SPOCK2: variants seen among roughly 807,000 people sequenced by gnomAD.
SPOCK2 encodes the protein testican-2.
SPOCK2 carries 39 observed loss-of-function variants against 60.1 expected under a neutral mutation model. That is an observed-to-expected ratio of 0.65 (90% confidence interval 0.50 to 0.85). The LOEUF is 0.85. Ranked by LOEUF, SPOCK2 falls within the 40% of genes least tolerant of loss-of-function variation. SPOCK2 has a pLI of 0.00. For missense variants in SPOCK2, 523 were observed against 567.4 expected (o/e 0.92, Z 0.80); for synonymous variants, 217 against 231.5 (o/e 0.94, Z 0.57).
intron 1 of SPOCK2, among the ~76,000 whole-genome samples, chr10:72,075,039 C>A (rs974339533): frequency 6.6e-6 from 1 of 152,072 alleles, no homozygotes; most frequent in Non-Finnish European, 1.5e-5. Flanking sequence ...CGCTCCTGAG[C>A]CCCCAGGCAA....
intron 1 of SPOCK2, among the ~76,000 whole-genome samples, chr10:72,073,831 G>A (rs1245570): frequency 0.56 from 85,516 of 152,148 alleles, 24,987 homozygotes; most frequent in African/African-American, 0.73. Context: ...AACTTATCTG[G>A]CTTCCTCCCT....
chr10:72,065,093 C>T (rs538729225), intron 8 of SPOCK2, among the ~76,000 whole-genome samples: 3 of 113,200 alleles, frequency 2.7e-5, no homozygotes, highest in East Asian at 4.7e-4. Context: ...TGGAGTGCAA[C>T]GGCACGATCT....
chr10:72,072,604 G>A, intron 2 of SPOCK2, 56 bp from the exon 3 acceptor site: 2 of 1,611,046 alleles, frequency 1.2e-6, no homozygotes, highest in South Asian at 2.2e-5. Context: ...ATATCCCAGA[G>A]GTTCAACTGC....
Position 72,068,204 on chromosome 10 carries a change from G to C in SPOCK2, c.572C>G (p.Thr191Ser), listed in dbSNP as rs758130851. 2 of 1,607,436 alleles carry C rather than the reference G, an allele frequency of 1.2e-6. No individual in the cohort carries two copies. Among genetic ancestry groups the C allele is most frequent in the Admixed American group, 1.7e-5 (1 of 59,698 alleles). Residue 191 changes from threonine to serine, a missense_variant, in exon 6 of 11, where the codon ACC becomes AGC. Coordinates refer to ENST00000373109, the MANE Select transcript of SPOCK2 (RefSeq NM_001244950.2). Reference sequence around the variant, plus strand: ...GTCCTCACCTGGTTTGCCATCGGCGGTGGAGGTGGCAGCCTGCTCCGTGGG... The same window carrying C: ...GTCCTCACCTGGTTTGCCATCGGCGCTGGAGGTGGCAGCCTGCTCCGTGGG... ...PCPTEQAATS[T>S]ADGKPETCTG...
intron 1 of SPOCK2, among the ~76,000 whole-genome samples, chr10:72,080,540 T>C (rs550448563): frequency 6.6e-6 from 1 of 151,328 alleles, no homozygotes; most frequent in Non-Finnish European, 1.5e-5. Flanking sequence ...CCTCCTCCGC[T>C]GAGGATTAAC....
chr10:72,081,025 T>A (rs1205760510), intron 1 of SPOCK2, among the ~76,000 whole-genome samples: 2 of 151,726 alleles, frequency 1.3e-5, no homozygotes, highest in Non-Finnish European at 2.9e-5. Flanking sequence ...GACCCTGGCT[T>A]CCCTCCTGGA....
intron 8 of SPOCK2, among the ~76,000 whole-genome samples, chr10:72,065,118 C>T (rs1840551082): frequency 7.9e-6 from 1 of 126,742 alleles, no homozygotes; most frequent in African/African-American, 2.6e-5. Flanking sequence ...TCACTGCAAC[C>T]TCTGCCTCCC....
intron 1 of SPOCK2, among the ~76,000 whole-genome samples, chr10:72,083,128 G>T (rs997735435): frequency 2.6e-5 from 4 of 152,174 alleles, no homozygotes; most frequent in African/African-American, 9.7e-5. Flanking sequence ...GATGCCATTA[G>T]GCCCCATTTC....
chr10:72,064,753 C>T (rs535508378), intron 8 of SPOCK2, among the ~76,000 whole-genome samples: 15 of 152,068 alleles, frequency 9.9e-5, no homozygotes, highest in Middle Eastern at 3.4e-3. Flanking sequence ...TTTTTTGAGA[C>T]GGAGTCTTGC....
At chr10:72,067,235 T>C in intron 7 of SPOCK2, 115 bp from the exon 8 acceptor site, 2 of 1,085,402 alleles carry the variant, frequency 1.8e-6, no homozygotes, top group Non-Finnish European at 2.6e-6. Flanking sequence ...CTGGGCAGCT[T>C]GGAATCTAAC....
At position 72,069,992 on chromosome 10, in the gene SPOCK2, C is replaced by T. The variant is rs78189489; in HGVS notation, c.474+320G>A. 1,653 of 233,792 alleles carry T rather than the reference C, an allele frequency of 7.1e-3. 33 individuals carry two copies. Among genetic ancestry groups the T allele is most frequent in the African/African-American group, 0.035 (1,559 of 43,986 alleles). 14.5% of individuals were successfully genotyped at this position (233,792 alleles called of 1,614,324 possible). Reference sequence around the variant, plus strand: ...ATGCCAGAGCTCCTTCTTCCACAGCCCTCCACACTTGGCTGAGGTCTTCCC... The same window carrying T: ...ATGCCAGAGCTCCTTCTTCCACAGCTCTCCACACTTGGCTGAGGTCTTCCC... On this transcript the variant is annotated intron_variant, in intron 5 of 10. Coordinates refer to ENST00000373109, the MANE Select transcript of SPOCK2 (RefSeq NM_001244950.2).
chr10:72,066,868 T>G (rs775289409), intron 8 of SPOCK2, 34 bp downstream of exon 8: 1 of 1,612,072 alleles, frequency 6.2e-7, no homozygotes, highest in Non-Finnish European at 8.5e-7. Flanking sequence ...CCCACACGGG[T>G]GAGGCAGGGG....
In SPOCK2 at chr10:72,066,911, A is replaced by G. The variant is rs778027580; in HGVS notation, c.919T>C (p.Trp307Arg). The change falls in exon 8 of 11, where the codon TGG becomes CGG. Residue 307 changes from tryptophan to arginine, a missense_variant. Coordinates refer to ENST00000373109, the MANE Select transcript of SPOCK2 (RefSeq NM_001244950.2). ...VSTAEWCFCF[W>R]REKPPCLAEL... ...GGGGGGCTGCACTCACTCTCCCTCCAGAAGCAGAAGCACCACTCAGCAGTA... is the reference window on the plus strand; with the variant it reads ...GGGGGGCTGCACTCACTCTCCCTCCGGAAGCAGAAGCACCACTCAGCAGTA... 7 of 1,614,196 alleles carry G rather than the reference A, an allele frequency of 4.3e-6. No homozygotes were observed. The highest frequency in any genetic ancestry group is 4.2e-6 in the Non-Finnish European group (5 of 1,180,042).
chr10:72,072,075 G>T (rs1840653894), intron 4 of SPOCK2, 69 bp downstream of exon 4: 2 of 1,260,436 alleles, frequency 1.6e-6, no homozygotes, highest in Admixed American at 3.3e-5. Flanking sequence ...TTCATAAGGA[G>T]AGGGTCAGTT....
chr10:72,070,610 G>A (rs924526801), intron 4 of SPOCK2, among the ~76,000 whole-genome samples, 184 bp from the exon 5 acceptor site: 2 of 151,630 alleles, frequency 1.3e-5, no homozygotes, highest in African/African-American at 4.8e-5. Context: ...TCAGAAGGGT[G>A]GAACCAACTG....
rs773137620 is a variant in SPOCK2, at chr10:72,072,539, T to A, written c.208A>T (p.Ile70Phe). ...RFRDEVEDDYIKSWEDNQQGD... is the reference protein window; with the variant it reads ...RFRDEVEDDYFKSWEDNQQGD... Reference sequence around the variant, plus strand: ...TGCTGATTGTCCTCCCAGCTCTTGATATAGTCATCCTAGAGGACAGAGAGG... The same window carrying A: ...TGCTGATTGTCCTCCCAGCTCTTGAAATAGTCATCCTAGAGGACAGAGAGG... Residue 70 changes from isoleucine to phenylalanine, a missense_variant, in exon 3 of 11, where the codon ATC becomes TTC. Transcript: ENST00000373109. 6.2e-7 allele frequency: 1 copy of A among 1,613,900 alleles called. No individual in the cohort carries two copies. Among genetic ancestry groups the A allele is most frequent in the Non-Finnish European group, 8.5e-7 (1 of 1,179,962 alleles).
At chr10:72,072,855 T>A (rs775698970) in intron 2 of SPOCK2, 47 bp downstream of exon 2, 1 of 1,551,034 alleles carries the variant, frequency 6.4e-7, no homozygotes, top group Non-Finnish European at 8.7e-7. Flanking sequence ...GGGGAGGGGG[T>A]GTGCTCTGCA....
At chr10:72,077,589 T>C (rs1478577321) in intron 1 of SPOCK2, among the ~76,000 whole-genome samples, 1 of 152,192 alleles carries the variant, frequency 6.6e-6, no homozygotes, top group East Asian at 1.9e-4. Context: ...TCCCGCTCTG[T>C]GCTTATGTCT....
In SPOCK2 at chr10:72,063,099, C is replaced by A; in HGVS notation, c.1055G>T (p.Ser352Ile). The A allele has an allele frequency of 6.4e-7, 1 of 1,555,364 alleles. No homozygotes were observed. The highest frequency in any genetic ancestry group is 8.7e-7 in the Non-Finnish European group (1 of 1,149,072). Residue 352 changes from serine (S) to isoleucine (I), a missense_variant, in exon 10 of 11, where the codon AGC (serine) becomes ATC (isoleucine). Ser to Ile is a moderately radical substitution (Grantham distance 142). Coordinates refer to ENST00000373109, the MANE Select transcript of SPOCK2 (RefSeq NM_001244950.2). Reference protein sequence around the residue: ...YYRKMQCDQSSGDCWCVDQLG... With the variant: ...YYRKMQCDQSIGDCWCVDQLG... ...CTGGTCCACACACCAGCAGTCACCG[C>A]TGCTCTGGTCACACTGCATCTTCCG...
Sources: allele counts gnomAD v4.1 joint callset (sites outside exome capture counted in the v4.1 genomes callset), GRCh38; gene constraint gnomAD v4.1.1; transcripts MANE v1.5; gene names NCBI Gene and HGNC (gene_info 2026-07-23, HGNC 2026-07-21).